The following PPP1R1C variants were observed in gnomAD, a reference collection of about 807,000 sequenced individuals.
The protein encoded by PPP1R1C is protein phosphatase 1 regulatory subunit 1C.
In PPP1R1C, 15 loss-of-function variants were observed where a neutral mutation model predicts 17.4. The observed-to-expected ratio is 0.86, with a 90% CI of 0.58 to 1.33. The LOEUF (loss-of-function observed/expected upper bound fraction) is 1.33. Among genes scored for constraint, PPP1R1C ranks in the 40% most tolerant of loss-of-function variants. The pLI is 0.00. For missense variants in PPP1R1C, 143 were observed against 130.0 expected (o/e 1.10, Z -0.48); for synonymous variants, 35 against 43.1 (o/e 0.81, Z 0.73).
chr2:182,005,850 C>G (rs989001729), intron 2 of PPP1R1C, among the ~76,000 whole-genome samples: 1 of 152,118 alleles, frequency 6.6e-6, no homozygotes, highest in Non-Finnish European at 1.5e-5. Flanking sequence ...AAGCAAGCTA[C>G]CCAATCTTAT....
chr2:182,010,134 GTT>G (rs34759449), intron 2 of PPP1R1C, among the ~76,000 whole-genome samples: 10 of 150,356 alleles, frequency 6.7e-5, no homozygotes, highest in African/African-American at 2.4e-4. Flanking sequence ...TTTTAGGATA[GTT>G]TTTTTTTTCT....
In PPP1R1C at chr2:181,986,194, A is replaced by G. The variant is rs1336168438; in HGVS notation, c.81+3A>G. 1 of 1,607,746 alleles carries G rather than the reference A, an allele frequency of 6.2e-7. No homozygotes were observed. Among genetic ancestry groups the G allele is most frequent in the South Asian group, 1.1e-5 (1 of 90,994 alleles). ...TTGCACCTGAAGCAGCAGAGCAGGT[A>G]TGTGAAATTGCATGGAGAACCATTC... On this transcript the variant is annotated splice_donor_region_variant and intron_variant, in intron 1 of 4. Coordinates refer to ENST00000682840, the MANE Select transcript of PPP1R1C (RefSeq NM_001080545.3).
chr2:182,117,468 A>C lies in PPP1R1C; in HGVS notation c.*173A>C. On this transcript the variant is annotated 3_prime_UTR_variant, in exon 5 of 5. Coordinates refer to ENST00000682840, the MANE Select transcript of PPP1R1C (RefSeq NM_001080545.3). ...TCTCCTTGACTGAACTTTAGAACTA[A>C]GTACACATTGTTCCACATCACTTAT... 1 of 530,372 alleles carries C rather than the reference A, an allele frequency of 1.9e-6. No individual in the cohort carries two copies. The highest frequency in any genetic ancestry group is 3.4e-6 in the Non-Finnish European group (1 of 296,092). The allele number at this position is 530,372 out of a possible 1,614,324, so 32.9% of individuals were successfully genotyped here.
intron 1 of PPP1R1C, among the ~76,000 whole-genome samples, chr2:181,955,331 A>T (rs539117854): frequency 6.6e-6 from 1 of 152,230 alleles, no homozygotes; most frequent in Non-Finnish European, 1.5e-5. Context: ...GTTGACATTT[A>T]TAACTTGAAA....
intron 4 of PPP1R1C, among the ~76,000 whole-genome samples, chr2:182,099,014 T>C (rs34844993): frequency 6.6e-6 from 1 of 152,052 alleles, no homozygotes. Flanking sequence ...TATTGCAAGG[T>C]GATGGGGGAG....
At chr2:182,084,612 A>C (rs1645577797) in intron 4 of PPP1R1C, among the ~76,000 whole-genome samples, 2 of 152,012 alleles carry the variant, frequency 1.3e-5, no homozygotes, top group Admixed American at 1.3e-4. Context: ...ATTCTGTTTT[A>C]TTGGTCTATG....
At chr2:182,016,728 TA>T (rs1192764484) in intron 2 of PPP1R1C, among the ~76,000 whole-genome samples, 4 of 152,210 alleles carry the variant, frequency 2.6e-5, no homozygotes, top group Non-Finnish European at 5.9e-5. Context: ...ACAGCTTCTA[TA>T]AAACATAGGA....
intron 4 of PPP1R1C, among the ~76,000 whole-genome samples, chr2:182,069,479 A>G (rs1194830541): frequency 1.3e-5 from 2 of 151,784 alleles, no homozygotes; most frequent in Non-Finnish European, 2.9e-5. Context: ...GTCAACATTG[A>G]GAGAGAATGA....
At chr2:182,009,970 T>C (rs1686042574) in intron 2 of PPP1R1C, among the ~76,000 whole-genome samples, 2 of 152,138 alleles carry the variant, frequency 1.3e-5, no homozygotes, top group Admixed American at 6.6e-5. Context: ...TCAATTCTGT[T>C]CCATTGGTCT....
intron 4 of PPP1R1C, among the ~76,000 whole-genome samples, chr2:182,087,555 T>G (rs1014336792): frequency 6.6e-6 from 1 of 152,232 alleles, no homozygotes; most frequent in African/African-American, 2.4e-5. Context: ...TTTTTGTTTT[T>G]TGTGTGTGTG....
intron 2 of PPP1R1C, 113 bp downstream of exon 2, chr2:181,988,012 A>G: frequency 1.3e-6 from 1 of 769,938 alleles, no homozygotes; most frequent in Non-Finnish European, 2.1e-6. Context: ...AGTTAGCAAT[A>G]CTCTAGAAAG....
chr2:182,084,702 C>T (rs1688577868), intron 4 of PPP1R1C, among the ~76,000 whole-genome samples: 1 of 152,056 alleles, frequency 6.6e-6, no homozygotes, highest in Non-Finnish European at 1.5e-5. Context: ...AATGTGATGC[C>T]ACCAGATTTG....
At chr2:182,006,602 T>G (rs1313851067) in intron 2 of PPP1R1C, among the ~76,000 whole-genome samples, 1 of 152,220 alleles carries the variant, frequency 6.6e-6, no homozygotes, top group East Asian at 1.9e-4. Flanking sequence ...CTAGACATGT[T>G]TTCTGGCTGG....
At chr2:182,116,704 T>A (rs760829519) in intron 4 of PPP1R1C, among the ~76,000 whole-genome samples, 2 of 152,110 alleles carry the variant, frequency 1.3e-5, no homozygotes, top group East Asian at 3.9e-4. Context: ...TATTGAAGAA[T>A]TTTGAAGAGA....
chr2:182,034,256 A>G (rs1384709531), intron 2 of PPP1R1C, among the ~76,000 whole-genome samples: 2 of 152,202 alleles, frequency 1.3e-5, no homozygotes, highest in Non-Finnish European at 2.9e-5. Context: ...TTAATTTATG[A>G]TAATTGTGAT....
At chr2:182,074,041 C>CA (rs1688217427) in intron 4 of PPP1R1C, among the ~76,000 whole-genome samples, 1 of 131,162 alleles carries the variant, frequency 7.6e-6, no homozygotes, top group East Asian at 2.2e-4. Flanking sequence ...AATTCTTCTT[C>CA]TTTTTTTTTT....
At chr2:182,023,648 T>A (rs1158784016) in intron 2 of PPP1R1C, among the ~76,000 whole-genome samples, 1 of 152,126 alleles carries the variant, frequency 6.6e-6, no homozygotes, top group Non-Finnish European at 1.5e-5. Flanking sequence ...AAGACAGGAT[T>A]TTCCTCTGGT....
intron 2 of PPP1R1C, among the ~76,000 whole-genome samples, chr2:182,030,470 C>T (rs966816857): frequency 2.0e-5 from 3 of 150,616 alleles, no homozygotes; most frequent in Non-Finnish European, 3.0e-5. Flanking sequence ...GAATACCCTG[C>T]CGTGTGAGAT....
At chr2:182,100,804 A>G (rs1689078464) in intron 4 of PPP1R1C, among the ~76,000 whole-genome samples, 1 of 152,140 alleles carries the variant, frequency 6.6e-6, no homozygotes, top group Admixed American at 6.5e-5. Context: ...AGCAAACAAT[A>G]TCTTATGCCA....
Sources: allele counts gnomAD v4.1 joint callset (sites outside exome capture counted in the v4.1 genomes callset), GRCh38; gene constraint gnomAD v4.1.1; transcripts MANE v1.5; gene names NCBI Gene and HGNC (gene_info 2026-07-23, HGNC 2026-07-21).